DSCAM: variants seen among roughly 807,000 people sequenced by gnomAD.
DSCAM encodes the protein DS cell adhesion molecule.
In DSCAM, 47 loss-of-function variants were observed where a neutral mutation model predicts 217.7. That is an observed-to-expected ratio of 0.22 (90% CI 0.17 to 0.28). The LOEUF is 0.28. Among genes scored for constraint, DSCAM ranks in the 10% least tolerant of loss-of-function variants. The probability of loss-of-function intolerance (pLI) is 1.00; values close to 1 mark genes in which losing one functional copy is unlikely to be tolerated. For missense variants in DSCAM, 2,080 were observed against 2,618.3 expected (o/e 0.79, Z 4.49); for synonymous variants, 1,056 against 1,015.3 (o/e 1.04, Z -0.76).
At chr21:40,039,161 G>A (rs1348936614) in intron 32 of DSCAM, among the ~76,000 whole-genome samples, 1 of 146,368 alleles carries the variant, frequency 6.8e-6, no homozygotes, top group Non-Finnish European at 1.5e-5. Flanking sequence ...GAAACTTAAA[G>A]TATAATAATA....
intron 8 of DSCAM, among the ~76,000 whole-genome samples, chr21:40,326,621 A>G (rs539022308): frequency 1.3e-5 from 2 of 152,318 alleles, no homozygotes; most frequent in East Asian, 3.9e-4. Context: ...TAGAGAAGGC[A>G]TATTTGTATG....
At chr21:40,348,542 A>G (rs2074591616) in intron 5 of DSCAM, among the ~76,000 whole-genome samples, 1 of 152,112 alleles carries the variant, frequency 6.6e-6, no homozygotes, top group Non-Finnish European at 1.5e-5. Flanking sequence ...TATCAGCCAC[A>G]TTATTGCAAT....
chr21:40,845,999 G>GTT (rs71332311), intron 1 of DSCAM, among the ~76,000 whole-genome samples: 4 of 141,682 alleles, frequency 2.8e-5, no homozygotes, highest in Middle Eastern at 3.6e-3. Flanking sequence ...CTATACAGGT[G>GTT]TTTTTTTTTT....
intron 32 of DSCAM, among the ~76,000 whole-genome samples, chr21:40,036,167 G>A (rs1276624522): frequency 1.4e-5 from 2 of 143,062 alleles, no homozygotes; most frequent in African/African-American, 5.5e-5. Flanking sequence ...ACTAAAATCA[G>A]AGCAGAACTG....
intron 3 of DSCAM, among the ~76,000 whole-genome samples, chr21:40,683,741 G>A (rs944320067): frequency 6.6e-6 from 1 of 152,032 alleles, no homozygotes; most frequent in Non-Finnish European, 1.5e-5. Flanking sequence ...AGGTAGAAAG[G>A]GTCATCTGAA....
At chr21:40,361,002 T>C (rs2074757200) in intron 4 of DSCAM, among the ~76,000 whole-genome samples, 1 of 152,170 alleles carries the variant, frequency 6.6e-6, no homozygotes, top group Non-Finnish European at 1.5e-5. Context: ...AGTGCATGAT[T>C]GAAGCAATGC....
At chr21:40,832,151 G>T (rs6517622) in intron 1 of DSCAM, among the ~76,000 whole-genome samples, 138,807 of 152,310 alleles carry the variant, frequency 0.91, 63,408 homozygotes, top group African/African-American at 0.96. Context: ...GTAGTCCTCA[G>T]TCTGTCATTC....
At chr21:40,039,372 T>C (rs1023085654) in intron 32 of DSCAM, among the ~76,000 whole-genome samples, 1 of 94,670 alleles carries the variant, frequency 1.1e-5, no homozygotes, top group African/African-American at 4.1e-5. Context: ...GGAGTAGATT[T>C]AAATGTCCTT....
intron 3 of DSCAM, among the ~76,000 whole-genome samples, chr21:40,573,683 A>G (rs1362302415): frequency 1.3e-5 from 2 of 152,154 alleles, no homozygotes; most frequent in African/African-American, 2.4e-5. Flanking sequence ...ATGAAAACAC[A>G]TAAAAGAAAA....
intron 27 of DSCAM, among the ~76,000 whole-genome samples, chr21:40,068,503 C>A (rs377626530): frequency 3.9e-5 from 6 of 152,056 alleles, no homozygotes; most frequent in East Asian, 3.9e-4. Flanking sequence ...TATCGAAATA[C>A]AAAATCAATA....
At chr21:40,121,201 G>A (rs1221655104) in intron 20 of DSCAM, among the ~76,000 whole-genome samples, 2 of 152,114 alleles carry the variant, frequency 1.3e-5, no homozygotes, top group Admixed American at 6.5e-5. Context: ...CTAGTTTACC[G>A]ACTGAAAGTC....
chr21:40,179,174 A>C, intron 14 of DSCAM, 80 bp from the exon 15 acceptor site: 1 of 704,666 alleles, frequency 1.4e-6, no homozygotes, highest in Non-Finnish European at 2.0e-6. Context: ...CACAAGTAGG[A>C]ATTAAAAACC....
At chr21:40,835,596 T>C (rs1031815565) in intron 1 of DSCAM, among the ~76,000 whole-genome samples, 26 of 152,232 alleles carry the variant, frequency 1.7e-4, no homozygotes, top group African/African-American at 6.3e-4. Context: ...GTAATTTCTA[T>C]AGTGAATCAC....
intron 32 of DSCAM, among the ~76,000 whole-genome samples, chr21:40,017,042 C>T (rs866657501): frequency 2.0e-5 from 3 of 149,940 alleles, no homozygotes; most frequent in South Asian, 2.1e-4. Context: ...TTTGAACCTG[C>T]GCATTGGAGG....
chr21:40,481,237 C>T (rs976860758), intron 3 of DSCAM, among the ~76,000 whole-genome samples: 14 of 152,150 alleles, frequency 9.2e-5, no homozygotes, highest in Non-Finnish European at 1.5e-4. Flanking sequence ...CGCCTGTAAT[C>T]CCAGCACTTT....
At chr21:40,353,319 A>G in intron 5 of DSCAM, 146 bp downstream of exon 5, 1 of 1,079,886 alleles carries the variant, frequency 9.3e-7, no homozygotes, top group South Asian at 1.7e-5. Flanking sequence ...TAATTTTCAC[A>G]TCTGTAAAAT....
chr21:40,735,657 T>C (rs556196021), intron 1 of DSCAM, among the ~76,000 whole-genome samples: 2 of 152,344 alleles, frequency 1.3e-5, no homozygotes, highest in South Asian at 4.1e-4. Flanking sequence ...ATTAGTCCTA[T>C]TTTAAGAAGG....
intron 1 of DSCAM, among the ~76,000 whole-genome samples, chr21:40,803,160 C>T (rs772903294): frequency 4.3e-4 from 65 of 152,166 alleles, no homozygotes; most frequent in Non-Finnish European, 8.2e-4. Flanking sequence ...CTCAAGTCTC[C>T]AATAAGTGCT....
chr21:40,711,200 TG>T (rs1447490934), intron 1 of DSCAM, among the ~76,000 whole-genome samples: 2 of 151,988 alleles, frequency 1.3e-5, no homozygotes, highest in African/African-American at 4.8e-5. Flanking sequence ...CTGTATAGAG[TG>T]GGTCTATGGC....
Sources: gnomAD v4.1 joint callset for allele counts (sites outside exome capture counted in the v4.1 genomes callset) on GRCh38, gnomAD v4.1.1 for gene constraint, MANE v1.5 for transcripts, NCBI Gene and HGNC (gene_info 2026-07-23, HGNC 2026-07-21) for gene names.